The following CHD6 variants were observed in gnomAD, a reference collection of about 807,000 sequenced individuals.
CHD6 encodes the protein chromodomain helicase DNA binding protein 6.
CHD6 carries 50 observed loss-of-function variants against 276.9 expected under a neutral mutation model. The ratio of observed to expected loss-of-function variants is 0.18; its 90% CI spans 0.14 to 0.23. The LOEUF (loss-of-function observed/expected upper bound fraction) is 0.23, where lower values mean the gene tolerates loss of function less well. CHD6 is among the 10% of genes least tolerant of loss of function. CHD6 has a pLI of 1.00. For synonymous variants in CHD6, 1,173 were observed against 1,229.3 expected (o/e 0.95, Z 0.96); for missense variants, 2,564 against 3,365.8 (o/e 0.76, Z 5.89).
intron 1 of CHD6, among the ~76,000 whole-genome samples, chr20:41,564,619 C>CA (rs1318463919): frequency 6.6e-6 from 1 of 152,134 alleles, no homozygotes; most frequent in Non-Finnish European, 1.5e-5. Context: ...TGCTGAAACT[C>CA]AAAGAATTCC....
intron 1 of CHD6, among the ~76,000 whole-genome samples, chr20:41,567,453 AT>A (rs2045368214): frequency 1.3e-5 from 2 of 152,078 alleles, no homozygotes; most frequent in Admixed American, 1.3e-4. Flanking sequence ...AGACTTAAGC[AT>A]GGCTCCTTGG....
rs770372699 is a variant in CHD6 at position 41,457,432 on chromosome 20, G to T, written c.2665-4C>A. ...TGCGGTGACATCGGGCCTGAGCCTG[G>T]GAAGAAGAAGAGTCATATGCATCAC... On this transcript the variant is annotated splice_region_variant and splice_polypyrimidine_tract_variant and intron_variant, in intron 17 of 36. Transcript: ENST00000373233. 7 of 1,607,278 alleles carry T rather than the reference G, an allele frequency of 4.4e-6. 1 individual carries two copies. The South Asian group carries it at 7.7e-5, about 18-fold the overall frequency.
chr20:41,505,938 C>A (rs1158591061), intron 5 of CHD6, among the ~76,000 whole-genome samples: 1 of 152,182 alleles, frequency 6.6e-6, no homozygotes, highest in Non-Finnish European at 1.5e-5. Flanking sequence ...TCTTCTCCCA[C>A]CTGAGTTAGA....
chr20:41,560,171 T>C (rs898925128), intron 1 of CHD6, among the ~76,000 whole-genome samples: 15 of 152,182 alleles, frequency 9.9e-5, no homozygotes, highest in African/African-American at 3.4e-4. Context: ...AACAGTATGT[T>C]TTCCTAAAGT....
chr20:41,511,373 C>A (rs1340673816), intron 5 of CHD6, among the ~76,000 whole-genome samples: 1 of 152,186 alleles, frequency 6.6e-6, no homozygotes, highest in Non-Finnish European at 1.5e-5. Flanking sequence ...CCTGCTTCTT[C>A]TCTTGCTTTT....
intron 17 of CHD6, among the ~76,000 whole-genome samples, chr20:41,470,483 C>T (rs531458755): frequency 6.6e-6 from 1 of 152,330 alleles, no homozygotes; most frequent in South Asian, 2.1e-4. Flanking sequence ...CAGTGCTGGT[C>T]TTCTTCGTTT....
Position 41,454,656 on chromosome 20 carries a change from A to G in CHD6, c.3090T>C (p.Ala1030=). The part of the protein sequence containing the change: ...PNFWQKWAKI[A]ELDTEAKNEK... ...CATTCTTTGCTTCAGTGTCTAGTTCAGCTATTTTAGCCCATTTCTGCCAAA... is the reference window on the plus strand; with the variant it reads ...CATTCTTTGCTTCAGTGTCTAGTTCGGCTATTTTAGCCCATTTCTGCCAAA... The change falls in exon 20 of 37, where the codon GCT becomes GCC. Residue 1030 remains alanine (A), a synonymous_variant. Transcript: ENST00000373233. The G allele has an allele frequency of 6.2e-7, 1 of 1,613,704 alleles. No homozygotes were observed. The highest frequency in any genetic ancestry group is 8.5e-7 in the Non-Finnish European group (1 of 1,179,762).
chr20:41,590,191 T>C (rs145386290), intron 1 of CHD6, among the ~76,000 whole-genome samples: 1 of 152,334 alleles, frequency 6.6e-6, no homozygotes, highest in Non-Finnish European at 1.5e-5. Flanking sequence ...ATCCCTTCTT[T>C]ACACCTTATA....
intron 3 of CHD6, among the ~76,000 whole-genome samples, chr20:41,518,543 C>T (rs2044307936): frequency 1.3e-5 from 2 of 152,054 alleles, no homozygotes; most frequent in Non-Finnish European, 2.9e-5. Flanking sequence ...GTTAGGTAGC[C>T]TGGAAATACT....
At chr20:41,613,423 T>TC (rs1480176775) in intron 1 of CHD6, among the ~76,000 whole-genome samples, 1 of 152,226 alleles carries the variant, frequency 6.6e-6, no homozygotes, top group African/African-American at 2.4e-5. Flanking sequence ...CTGAGGACCC[T>TC]CTAAGAGCCT....
chr20:41,467,675 G>A (rs1160315025), intron 17 of CHD6, among the ~76,000 whole-genome samples: 1 of 151,606 alleles, frequency 6.6e-6, no homozygotes, highest in Non-Finnish European at 1.5e-5. Context: ...AGACCAGCCT[G>A]GGCTGTCAAC....
At chr20:41,432,160 C>CAAGAAAAAA (rs2047563686) in intron 27 of CHD6, among the ~76,000 whole-genome samples, 1 of 58,978 alleles carries the variant, frequency 1.7e-5, no homozygotes, top group African/African-American at 5.2e-5. Context: ...AACTCCGTCT[C>CAAGAAAAAA]AAAAAAAAAA....
At chr20:41,479,087 A>G (rs2145809935) in intron 16 of CHD6, among the ~76,000 whole-genome samples, 1 of 152,290 alleles carries the variant, frequency 6.6e-6, no homozygotes. Context: ...GAGTGTGCTT[A>G]ATAAGCATGA....
At chr20:41,445,121 T>A (rs1287051317) in intron 25 of CHD6, among the ~76,000 whole-genome samples, 1 of 152,228 alleles carries the variant, frequency 6.6e-6, no homozygotes, top group Non-Finnish European at 1.5e-5. Flanking sequence ...TTTTTCCAAG[T>A]GTTTAAAAAA....
intron 1 of CHD6, among the ~76,000 whole-genome samples, chr20:41,613,966 T>C (rs974530981): frequency 1.3e-5 from 2 of 152,000 alleles, no homozygotes; most frequent in African/African-American, 4.8e-5. Context: ...GCTGGAACTT[T>C]TAACCTGAAG....
chr20:41,453,003 A>C (rs956298222), intron 20 of CHD6, 61 bp from the exon 21 acceptor site: 3 of 1,331,462 alleles, frequency 2.3e-6, no homozygotes, highest in Non-Finnish European at 3.2e-6. Flanking sequence ...TTCACAAAGC[A>C]TAAGTGTATC....
At chr20:41,565,911 A>G (rs192536727) in intron 1 of CHD6, among the ~76,000 whole-genome samples, 5 of 152,354 alleles carry the variant, frequency 3.3e-5, no homozygotes, top group African/African-American at 1.2e-4. Flanking sequence ...ACAAGTACAA[A>G]GAGAATTCTA....
chr20:41,493,405 G>T, intron 10 of CHD6, 133 bp downstream of exon 10: 1 of 871,366 alleles, frequency 1.1e-6, no homozygotes, highest in Non-Finnish European at 1.8e-6. Context: ...CTGAATTGAG[G>T]GTTCAATGAG....
At position 41,423,640 on chromosome 20, in the gene CHD6, G is replaced by A. The variant is rs148419318; in HGVS notation, c.4407C>T (p.Tyr1469=). Reference sequence around the variant, plus strand: ...AGTCAAAGGTTTTCTTTTCTTGATCGTAAACAACACCAAAGGAAGACACTG... The same window carrying A: ...AGTCAAAGGTTTTCTTTTCTTGATCATAAACAACACCAAAGGAAGACACTG... ...YRTVSSFGVV[Y]DQEKKTFDWT... is the part of the protein sequence containing the mutation. The change falls in exon 30 of 37, where the codon TAC becomes TAT. Residue 1469 remains tyrosine (Y), a synonymous_variant. Transcript: ENST00000373233. 203 of 1,614,174 alleles carry A rather than the reference G, an allele frequency of 1.3e-4. No homozygotes were observed. In the African/African-American group the frequency reaches 2.2e-3, roughly 17 times the overall value.
Sources: allele counts gnomAD v4.1 joint callset (sites outside exome capture counted in the v4.1 genomes callset), GRCh38; gene constraint gnomAD v4.1.1; transcripts MANE v1.5; gene names NCBI Gene and HGNC (gene_info 2026-07-23, HGNC 2026-07-21).